Variants in NRG1 observed in about 807,000 individuals in gnomAD.
NRG1 encodes the protein neuregulin 1.
A neutral mutation model predicts 63.8 loss-of-function variants in NRG1; 18 were observed. That is an observed-to-expected ratio of 0.28 (90% CI 0.19 to 0.42). The LOEUF is 0.42. NRG1 is among the 10% of genes least tolerant of loss of function. The probability of loss-of-function intolerance (pLI) is 1.00; values close to 1 mark genes in which losing one functional copy is unlikely to be tolerated. For synonymous variants in NRG1, 302 were observed against 301.3 expected, an observed-to-expected ratio of 1.00 and a Z score of -0.02; for missense variants, 762 against 814.7, an observed-to-expected ratio of 0.94 and a Z score of 0.79.
At chr8:31,702,162 A>C (rs1810691773) in intron 1 of NRG1, among the ~76,000 whole-genome samples, 2 of 152,194 alleles carry the variant, frequency 1.3e-5, no homozygotes, top group African/African-American at 2.4e-5. Flanking sequence ...TTAGCAGTGG[A>C]AACAGTTGGA....
intron 1 of NRG1, among the ~76,000 whole-genome samples, chr8:31,823,381 G>A (rs932027188): frequency 1.2e-4 from 18 of 151,866 alleles, no homozygotes; most frequent in South Asian, 4.2e-4. Context: ...TATAAATTCA[G>A]TTTTATTATG....
intron 1 of NRG1, among the ~76,000 whole-genome samples, chr8:31,879,423 A>G (rs1830176081): frequency 6.6e-6 from 1 of 152,214 alleles, no homozygotes; most frequent in Non-Finnish European, 1.5e-5. Context: ...ACTGGAGTCC[A>G]GTGATGCAGG....
At chr8:32,367,626 A>T (rs1366077759) in intron 1 of NRG1, among the ~76,000 whole-genome samples, 1 of 151,804 alleles carries the variant, frequency 6.6e-6, no homozygotes, top group Admixed American at 6.6e-5. Flanking sequence ...CATTCCTCAG[A>T]TTGTCTCTTC....
At chr8:32,175,329 T>G (rs1418311791) in intron 1 of NRG1, among the ~76,000 whole-genome samples, 1 of 152,210 alleles carries the variant, frequency 6.6e-6, no homozygotes, top group Non-Finnish European at 1.5e-5. Context: ...ATGGGACATA[T>G]GTCAAAATAA....
intron 7 of NRG1, among the ~76,000 whole-genome samples, chr8:32,753,350 A>T (rs1829082008): frequency 6.6e-6 from 1 of 152,248 alleles, no homozygotes; most frequent in Non-Finnish European, 1.5e-5. Context: ...TAATCAACTT[A>T]TCCCCCAAAG....
chr8:31,750,273 T>C (rs1206602442), intron 1 of NRG1, among the ~76,000 whole-genome samples: 1 of 151,978 alleles, frequency 6.6e-6, no homozygotes, highest in Non-Finnish European at 1.5e-5. Context: ...CACAGGGGAC[T>C]GTGCTAGCAG....
intron 1 of NRG1, among the ~76,000 whole-genome samples, chr8:32,572,153 C>T (rs1213502714): frequency 6.6e-6 from 1 of 152,176 alleles, no homozygotes; most frequent in Non-Finnish European, 1.5e-5. Flanking sequence ...GAAACAATTG[C>T]AACACATTTT....
intron 5 of NRG1, among the ~76,000 whole-genome samples, chr8:32,652,934 A>C (rs1855443709): frequency 1.3e-5 from 2 of 152,250 alleles, no homozygotes; most frequent in South Asian, 2.1e-4. Context: ...AGATTGAAAA[A>C]CCAAAGCATA....
At chr8:32,431,449 C>T (rs1416504436) in intron 1 of NRG1, among the ~76,000 whole-genome samples, 2 of 152,124 alleles carry the variant, frequency 1.3e-5, no homozygotes, top group Non-Finnish European at 2.9e-5. Context: ...CACTCTCCAT[C>T]ACGTAGTCTC....
intron 1 of NRG1, among the ~76,000 whole-genome samples, chr8:31,809,741 G>GTTTTTTTTTTTTTTTTTTTTTTTTATTTT (rs753730069): frequency 1.5e-5 from 1 of 68,018 alleles, no homozygotes. Context: ...TCTATTAATT[G>GTTTTTTTTTTTTTTTTTTTTTTTTATTTT]TTTTTTTTTT....
chr8:32,288,743 G>A (rs1380899728), intron 1 of NRG1, among the ~76,000 whole-genome samples: 1 of 152,128 alleles, frequency 6.6e-6, no homozygotes, highest in East Asian at 1.9e-4. Flanking sequence ...GTGAGGAAGG[G>A]GAGGGGGAGG....
At chr8:32,490,876 G>T (rs1349776085) in intron 1 of NRG1, among the ~76,000 whole-genome samples, 1 of 152,058 alleles carries the variant, frequency 6.6e-6, no homozygotes, top group Non-Finnish European at 1.5e-5. Context: ...TCTGATCTCT[G>T]CCCATCCATC....
intron 1 of NRG1, among the ~76,000 whole-genome samples, chr8:32,471,757 A>G (rs1823882606): frequency 6.6e-6 from 1 of 152,168 alleles, no homozygotes; most frequent in African/African-American, 2.4e-5. Context: ...TCTTGAGTCA[A>G]CCTACCTTCT....
intron 1 of NRG1, among the ~76,000 whole-genome samples, chr8:31,869,841 C>T (rs987304011): frequency 5.9e-5 from 9 of 152,080 alleles, no homozygotes; most frequent in East Asian, 1.9e-4. Flanking sequence ...ATTGAACATG[C>T]GCATCCATGA....
intron 1 of NRG1, among the ~76,000 whole-genome samples, chr8:31,877,100 G>A (rs1393929700): frequency 3.9e-5 from 6 of 152,144 alleles, no homozygotes; most frequent in Non-Finnish European, 8.8e-5. Flanking sequence ...CCAAATTCCA[G>A]TGTAGCTTTA....
rs1036317895 is a variant in NRG1, at chr8:32,280,540, A to G, written c.38-315288A>G. On this transcript the variant is annotated intron_variant, in intron 1 of 10. Transcript: ENST00000519301. Reference sequence around the variant, plus strand: ...AGAATAGGCAAATTCATAGAGAGAGAAACTAGAATGGAGATTCCCAGGGGC... The same window carrying G: ...AGAATAGGCAAATTCATAGAGAGAGGAACTAGAATGGAGATTCCCAGGGGC... 2.6e-5 allele frequency among the ~76,000 whole-genome samples: 4 copies of G among 152,152 alleles called. No individual in the cohort carries two copies. In the East Asian group the frequency reaches 7.7e-4, roughly 29 times the overall value.
At chr8:32,412,432 A>ATG (rs1563428410) in intron 1 of NRG1, among the ~76,000 whole-genome samples, 589 of 39,122 alleles carry the variant, frequency 0.015, 9 homozygotes, top group African/African-American at 0.036. Flanking sequence ...ACATATATAT[A>ATG]TATATATATA....
At chr8:32,008,661 A>G (rs1814210213) in intron 1 of NRG1, among the ~76,000 whole-genome samples, 1 of 152,046 alleles carries the variant, frequency 6.6e-6, no homozygotes, top group African/African-American at 2.4e-5. Flanking sequence ...TTATTTGAGA[A>G]CAATTTACCA....
intron 1 of NRG1, among the ~76,000 whole-genome samples, chr8:31,907,472 G>T (rs533280244): frequency 6.6e-6 from 1 of 151,482 alleles, no homozygotes; most frequent in South Asian, 2.1e-4. Context: ...AGAAAACCAG[G>T]TTTGCATCTT....
Sources: gnomAD v4.1 joint callset for allele counts (sites outside exome capture counted in the v4.1 genomes callset) on GRCh38, gnomAD v4.1.1 for gene constraint, MANE v1.5 for transcripts, NCBI Gene and HGNC (gene_info 2026-07-23, HGNC 2026-07-21) for gene names.